Variants in YTHDC2 observed in about 807,000 individuals in gnomAD.
YTHDC2 encodes YTH N6-methyladenosine RNA binding protein C2.
YTHDC2 carries 45 observed loss-of-function variants against 174.9 expected under a neutral mutation model. That is an observed-to-expected ratio of 0.26 (90% CI 0.20 to 0.33). The LOEUF is 0.33. YTHDC2 is among the 10% of genes least tolerant of loss of function. The probability of loss-of-function intolerance (pLI) is 1.00; values close to 1 mark genes in which losing one functional copy is unlikely to be tolerated. For missense variants in YTHDC2, 1,650 were observed against 1,723.7 expected (o/e 0.96, Z 0.76); for synonymous variants, 657 against 574.5 (o/e 1.14, Z -2.05).
chr5:113,560,332 C>G (rs548883909), intron 17 of YTHDC2, among the ~76,000 whole-genome samples: 6 of 152,270 alleles, frequency 3.9e-5, no homozygotes, highest in African/African-American at 1.4e-4. Flanking sequence ...ACAAAAGTGT[C>G]TTGAACTTAA....
intron 26 of YTHDC2, among the ~76,000 whole-genome samples, chr5:113,588,892 TGG>T (rs1329577589): frequency 1.3e-5 from 2 of 152,076 alleles, no homozygotes; most frequent in African/African-American, 4.8e-5. Context: ...CCCAAAGTGC[TGG>T]GATTGCACGC....
intron 17 of YTHDC2, among the ~76,000 whole-genome samples, chr5:113,559,382 A>G (rs1776815833): frequency 6.6e-6 from 1 of 152,230 alleles, no homozygotes; most frequent in African/African-American, 2.4e-5. Context: ...CCAGAGCAAC[A>G]TGAATTCTTC....
intron 17 of YTHDC2, among the ~76,000 whole-genome samples, chr5:113,556,951 T>C (rs1042125085): frequency 3.3e-5 from 5 of 152,164 alleles, no homozygotes; most frequent in Admixed American, 6.5e-5. Flanking sequence ...GGGTAGCTGT[T>C]AAAAGGAAAA....
intron 4 of YTHDC2, among the ~76,000 whole-genome samples, chr5:113,527,717 G>A (rs1048160101): frequency 6.6e-6 from 1 of 150,988 alleles, no homozygotes; most frequent in South Asian, 2.1e-4. Flanking sequence ...ACTTGATCCT[G>A]TAAAACTGAA....
chr5:113,567,815 A>T lies in YTHDC2; in HGVS notation c.3210A>T (p.Ala1070=). The T allele has an allele frequency of 6.3e-7, 1 of 1,587,208 alleles. No homozygotes were observed. The highest frequency in any genetic ancestry group is 2.3e-5 in the East Asian group (1 of 43,730). ...ILVFCGPARL[A]SNALQEPSSF... is the part of the protein sequence containing the mutation. Reference sequence around the variant, plus strand: ...TATTCTGTGGACCAGCTAGATTGGCAAGTAATGCTCTTCAGGAACCTTCAT... The same window carrying T: ...TATTCTGTGGACCAGCTAGATTGGCTAGTAATGCTCTTCAGGAACCTTCAT... The change falls in exon 23 of 30, where the codon GCA becomes GCT. Residue 1070 remains alanine (A), a synonymous_variant. Transcript: ENST00000161863.
In YTHDC2 at chr5:113,591,212, G is replaced by C. The variant is rs745498476; in HGVS notation, c.3997G>C (p.Val1333Leu). ...AFWESSIVYL[V>L]FSVQGSGHFQ... ...TTGGGAAAGCAGCATAGTTTACTTG[G>C]TATTTTCTGTTCAAGGATCTGGACA... Residue 1333 changes from valine (V) to leucine (L), a missense_variant, in exon 27 of 30, where the codon GTA becomes CTA. Physicochemically the swap from Val to Leu is conservative, Grantham distance 32. This residue lies in a region of YTHDC2 where 913 missense variants were observed against 940.4 expected (regional missense o/e 0.97). Transcript: ENST00000161863. 9 of 1,613,826 alleles carry C rather than the reference G, an allele frequency of 5.6e-6. No individual in the cohort carries two copies. Among genetic ancestry groups the C allele is most frequent in the Non-Finnish European group, 5.1e-6 (6 of 1,179,828 alleles).
At chr5:113,533,125 G>C in intron 5 of YTHDC2, 80 bp downstream of exon 5, 1 of 1,490,414 alleles carries the variant, frequency 6.7e-7, no homozygotes, top group Non-Finnish European at 9.1e-7. Flanking sequence ...TAGAGGATGT[G>C]TTCGTTGAAA....
intron 7 of YTHDC2, among the ~76,000 whole-genome samples, chr5:113,537,727 A>G (rs893654319): frequency 5.3e-5 from 8 of 151,540 alleles, no homozygotes; most frequent in African/African-American, 1.9e-4. Context: ...CTTTATTTTC[A>G]GTTGTTCTCC....
At chr5:113,543,918 G>T (rs1270181308) in intron 10 of YTHDC2, among the ~76,000 whole-genome samples, 3 of 152,008 alleles carry the variant, frequency 2.0e-5, no homozygotes, top group Non-Finnish European at 4.4e-5. Context: ...TCTCTTTTCT[G>T]ACCACCTTAC....
In YTHDC2 at chr5:113,548,544, AT is replaced by A; in HGVS notation, c.1501del (p.Tyr501ThrfsTer11). 6.3e-7 allele frequency: 1 copy of A among 1,591,544 alleles called. No homozygotes were observed. The highest frequency in any genetic ancestry group is 1.2e-5 in the South Asian group (1 of 86,454). On this transcript the variant is annotated frameshift_variant, in exon 11 of 30. Transcript: ENST00000161863. LOFTEE classifies it high-confidence loss of function. The part of the protein sequence containing the change: ...HLILTENVSV[D>X]YRHSETSATA... ...ATTTATCTTTTCCTTTTTTTAGTTG[AT>A]TACAGACATAGTGAAACCAGTGCAA...
At chr5:113,591,916 C>T (rs1779023034) in intron 27 of YTHDC2, 80 bp from the exon 28 acceptor site, 27 of 1,110,770 alleles carry the variant, frequency 2.4e-5, no homozygotes, top group Non-Finnish European at 2.8e-5. Flanking sequence ...ATTTTAAAAA[C>T]TCAGCCTTCT....
intron 23 of YTHDC2, among the ~76,000 whole-genome samples, chr5:113,569,856 C>A (rs559432326): frequency 6.6e-6 from 1 of 152,058 alleles, no homozygotes; most frequent in African/African-American, 2.4e-5. Flanking sequence ...ATTTTGAAAT[C>A]GTTTCTTCTA....
chr5:113,538,585 GTTAT>G (rs1364783978), intron 7 of YTHDC2, among the ~76,000 whole-genome samples: 4 of 151,650 alleles, frequency 2.6e-5, no homozygotes, highest in Non-Finnish European at 2.9e-5. Context: ...ATATGGCTTT[GTTAT>G]TTTGTTTATC....
intron 20 of YTHDC2, 97 bp from the exon 21 acceptor site, chr5:113,565,796 C>G: frequency 7.8e-7 from 1 of 1,279,812 alleles, no homozygotes; most frequent in Non-Finnish European, 1.0e-6. Context: ...GGCAAATTCA[C>G]GTCGAGGAAT....
chr5:113,539,213 A>T (rs1377139982), intron 8 of YTHDC2, 32 bp downstream of exon 8: 2 of 970,176 alleles, frequency 2.1e-6, no homozygotes, highest in African/African-American at 3.4e-5. Flanking sequence ...ATATAAAAGA[A>T]ATTACTATTG....
rs939489431 is a variant in YTHDC2 at position 113,565,686 on chromosome 5, C to A, written c.2716-207C>A. 4.5e-6 allele frequency: 2 copies of A among 444,224 alleles called. 1 individual carries two copies. The highest frequency in any genetic ancestry group is 7.3e-6 in the Non-Finnish European group (2 of 272,722). 27.5% of individuals were successfully genotyped at this position (444,224 alleles called of 1,614,324 possible). On this transcript the variant is annotated intron_variant, in intron 20 of 29. Coordinates refer to ENST00000161863, the MANE Select transcript of YTHDC2 (RefSeq NM_022828.5). ...GCTACTTGACACTTAGTTCTCTTTG[C>A]GATTTTATAAACTCAATGGCTTTTT...
chr5:113,522,136 T>G lies in YTHDC2; in HGVS notation c.279-2845T>G, dbSNP rs546699859. On this transcript the variant is annotated intron_variant, in intron 2 of 29. Coordinates refer to ENST00000161863, the MANE Select transcript of YTHDC2 (RefSeq NM_022828.5). ...TCAAATGAATGCCTGTTTTTTTTGTTTTTTGTTTTTTTTTTTTTTGGTGGT... is the reference window on the plus strand; with the variant it reads ...TCAAATGAATGCCTGTTTTTTTTGTGTTTTGTTTTTTTTTTTTTTGGTGGT... Among the ~76,000 whole-genome samples, 553 of 70,646 alleles carry G rather than the reference T, an allele frequency of 7.8e-3. 2 individuals are homozygous for G. Among genetic ancestry groups the G allele is most frequent in the African/African-American group, 0.02 (516 of 26,402 alleles). 46.3% of individuals were successfully genotyped at this position (70,646 alleles called of 152,430 possible). A position where few individuals can be genotyped will look rare whatever the true frequency, so the allele number is the denominator to read the frequency against.
intron 16 of YTHDC2, among the ~76,000 whole-genome samples, chr5:113,554,900 TTATATC>T (rs1192747526): frequency 4.6e-5 from 7 of 152,140 alleles, no homozygotes; most frequent in African/African-American, 1.7e-4. Flanking sequence ...GGAAAGCAAA[TTATATC>T]TATTTAGTGG....
At chr5:113,576,686 C>T (rs1240609885) in intron 23 of YTHDC2, among the ~76,000 whole-genome samples, 3 of 151,812 alleles carry the variant, frequency 2.0e-5, no homozygotes, top group African/African-American at 7.3e-5. Context: ...CTTTATATTG[C>T]CCTTTAGTTG....
Sources: gnomAD v4.1 joint callset for allele counts (sites outside exome capture counted in the v4.1 genomes callset) on GRCh38, gnomAD v4.1.1 for gene constraint, gnomAD v4.1.1 regional missense constraint, MANE v1.5 for transcripts, NCBI Gene and HGNC (gene_info 2026-07-23, HGNC 2026-07-21) for gene names.